The following PRICKLE2 variants were observed in gnomAD, a reference collection of about 807,000 sequenced individuals.
PRICKLE2 encodes the protein prickle planar cell polarity protein 2.
Under a neutral mutation model 81.4 loss-of-function variants are expected in PRICKLE2, and 21 were observed. That is an observed-to-expected ratio of 0.26 (90% CI 0.18 to 0.37). PRICKLE2 has a LOEUF of 0.37. Among genes scored for constraint, PRICKLE2 ranks in the 10% least tolerant of loss-of-function variants. PRICKLE2 has a pLI of 1.00. For synonymous variants in PRICKLE2, 456 were observed against 421.5 expected (o/e 1.08, Z -1.00); for missense variants, 940 against 1,109.0 (o/e 0.85, Z 2.16).
intron 2 of PRICKLE2, among the ~76,000 whole-genome samples, chr3:64,169,043 G>C (rs1001397326): frequency 6.6e-6 from 1 of 151,992 alleles, no homozygotes; most frequent in Non-Finnish European, 1.5e-5. Context: ...AATATACTCA[G>C]CTAAGAATAA....
chr3:64,135,105 C>T (rs1195031308), intron 7 of PRICKLE2, among the ~76,000 whole-genome samples: 1 of 152,116 alleles, frequency 6.6e-6, no homozygotes, highest in Non-Finnish European at 1.5e-5. Flanking sequence ...ATAACACCCT[C>T]GGTGGGGGCA....
chr3:64,112,161 A>G (rs1396663042), intron 7 of PRICKLE2, among the ~76,000 whole-genome samples: 1 of 152,156 alleles, frequency 6.6e-6, no homozygotes, highest in East Asian at 1.9e-4. Flanking sequence ...CAGGACCTTT[A>G]TCACCTATGC....
chr3:64,243,196 C>G (rs771845312), intron 2 of PRICKLE2, among the ~76,000 whole-genome samples: 1 of 152,162 alleles, frequency 6.6e-6, no homozygotes, highest in Non-Finnish European at 1.5e-5. Context: ...CAGTAGAAAA[C>G]AGAAAGTTTC....
rs2079012475 is a variant in PRICKLE2, at chr3:64,225,065, T to C, written c.-196A>G. The C allele has an allele frequency of 3.0e-6, 3 of 985,310 alleles. No individual in the cohort carries two copies. Among genetic ancestry groups the C allele is most frequent in the Admixed American group, 1.2e-4 (2 of 16,240 alleles). 61.0% of individuals were successfully genotyped at this position (985,310 alleles called of 1,614,324 possible). On this transcript the variant is annotated 5_prime_UTR_variant, in exon 1 of 8. Coordinates refer to ENST00000638394, the MANE Select transcript of PRICKLE2 (RefSeq NM_198859.4). ...AGCATCTTCTCCTCAAACCCCCTTT[T>C]CAGTCTGAACCCTTCCTGAAGCTGG...
At chr3:64,234,224 T>A (rs190513973) in intron 2 of PRICKLE2, among the ~76,000 whole-genome samples, 76 of 152,272 alleles carry the variant, frequency 5.0e-4, no homozygotes, top group Admixed American at 1.0e-3. Flanking sequence ...AGGTTTAACA[T>A]TTCATAGAAC....
intron 7 of PRICKLE2, among the ~76,000 whole-genome samples, chr3:64,134,354 T>C (rs913241113): frequency 1.3e-5 from 2 of 152,210 alleles, no homozygotes; most frequent in African/African-American, 4.8e-5. Context: ...TCCCTTCCCG[T>C]GACATCATAC....
chr3:64,153,155 C>G, intron 6 of PRICKLE2, 27 bp downstream of exon 6: 3 of 1,610,972 alleles, frequency 1.9e-6, no homozygotes, highest in Non-Finnish European at 2.5e-6. Flanking sequence ...ACAGAAGGAC[C>G]AAGCTGACTG....
At chr3:64,167,274 C>A (rs957422784) in intron 2 of PRICKLE2, among the ~76,000 whole-genome samples, 1 of 152,120 alleles carries the variant, frequency 6.6e-6, no homozygotes, top group Non-Finnish European at 1.5e-5. Context: ...ATGCTGATAA[C>A]TGTATTTTTC....
At chr3:64,204,329 A>G (rs1026055028) in intron 1 of PRICKLE2, among the ~76,000 whole-genome samples, 2 of 152,178 alleles carry the variant, frequency 1.3e-5, no homozygotes, top group African/African-American at 2.4e-5. Flanking sequence ...AGACTCTTCC[A>G]TCAGTCCTCC....
intron 2 of PRICKLE2, among the ~76,000 whole-genome samples, chr3:64,262,965 A>G (rs2079639167): frequency 6.6e-6 from 1 of 152,166 alleles, no homozygotes; most frequent in Non-Finnish European, 1.5e-5. Context: ...GCACATTAAG[A>G]GGTGAGGCTG....
At chr3:64,162,222 AT>A (rs1465350465) in intron 3 of PRICKLE2, among the ~76,000 whole-genome samples, 3 of 152,094 alleles carry the variant, frequency 2.0e-5, no homozygotes, top group African/African-American at 7.2e-5. Flanking sequence ...TAAAAATTAC[AT>A]TTTTGTTTTA....
chr3:64,183,365 T>C (rs1488072933), intron 2 of PRICKLE2, among the ~76,000 whole-genome samples: 1 of 152,160 alleles, frequency 6.6e-6, no homozygotes, highest in Non-Finnish European at 1.5e-5. Flanking sequence ...AGTTATTTTA[T>C]GTTCAAATAA....
chr3:64,246,113 G>A (rs144199848), intron 2 of PRICKLE2, among the ~76,000 whole-genome samples: 9 of 152,086 alleles, frequency 5.9e-5, no homozygotes, highest in Middle Eastern at 6.8e-3. Context: ...GTAGTGGTGC[G>A]TGCCTGTAGT....
chr3:64,222,488 A>C (rs891568997), intron 1 of PRICKLE2, among the ~76,000 whole-genome samples: 1 of 152,226 alleles, frequency 6.6e-6, no homozygotes, highest in Non-Finnish European at 1.5e-5. Context: ...ACAGCAGTCC[A>C]CTTGTGTGAC....
intron 2 of PRICKLE2, among the ~76,000 whole-genome samples, chr3:64,260,043 A>G (rs972512977): frequency 1.3e-5 from 2 of 152,178 alleles, no homozygotes; most frequent in African/African-American, 4.8e-5. Flanking sequence ...AACACGCCAG[A>G]ATCACCAGGT....
At chr3:64,114,748 A>G (rs1364443758) in intron 7 of PRICKLE2, among the ~76,000 whole-genome samples, 2 of 152,180 alleles carry the variant, frequency 1.3e-5, no homozygotes, top group East Asian at 1.9e-4. Context: ...TCTATGACTG[A>G]TTGGTGTCCT....
At chr3:64,224,162 C>T (rs751667779) in intron 1 of PRICKLE2, among the ~76,000 whole-genome samples, 2 of 152,156 alleles carry the variant, frequency 1.3e-5, no homozygotes, top group Admixed American at 6.5e-5. Context: ...TGTGATTTGG[C>T]CCAGCCTGGA....
chr3:64,104,712 C>G (rs962120201), intron 7 of PRICKLE2: 3 of 152,262 alleles, frequency 2.0e-5, no homozygotes, highest in Admixed American at 6.5e-5. Flanking sequence ...AGCCCAGCAT[C>G]TACTATCAGT....
chr3:64,244,162 C>A (rs696238), intron 2 of PRICKLE2, among the ~76,000 whole-genome samples: 134,082 of 152,238 alleles, frequency 0.88, 59,408 homozygotes, highest in African/African-American at 0.93. Flanking sequence ...GGGAAGTTAC[C>A]GTATTTTGGC....
Sources: gnomAD v4.1 joint callset for allele counts (sites outside exome capture counted in the v4.1 genomes callset) on GRCh38, gnomAD v4.1.1 for gene constraint, MANE v1.5 for transcripts, NCBI Gene and HGNC (gene_info 2026-07-23, HGNC 2026-07-21) for gene names.